The following SH3RF3 variants were observed in gnomAD, a reference collection of about 807,000 sequenced individuals.
SH3RF3 encodes SH3 domain containing ring finger 3.
Under a neutral mutation model 66.3 loss-of-function variants are expected in SH3RF3, and 29 were observed. The observed-to-expected ratio is 0.44, with a 90% CI of 0.33 to 0.60. The LOEUF is 0.60. Among genes scored for constraint, SH3RF3 ranks in the 20% least tolerant of loss-of-function variants. The pLI is 0.04. For missense variants in SH3RF3, 1,194 were observed against 1,190.9 expected, an observed-to-expected ratio of 1.00 and a Z score of -0.04; for synonymous variants, 583 against 532.0, an observed-to-expected ratio of 1.10 and a Z score of -1.32.
chr2:109,321,895 G>A (rs1483012894), intron 1 of SH3RF3, among the ~76,000 whole-genome samples: 1 of 152,230 alleles, frequency 6.6e-6, no homozygotes, highest in Non-Finnish European at 1.5e-5. Context: ...TCCCAGTGTG[G>A]TCAGGACTTC....
Position 109,319,364 on chromosome 2 carries a change from A to G in SH3RF3, c.574-28310A>G, listed in dbSNP as rs1681963732. ...TTGACTGCAAAGAGACAATGTCCTGAGCTGTGTCTGCCTGTGGGCTCAGTG... is the reference window on the plus strand; with the variant it reads ...TTGACTGCAAAGAGACAATGTCCTGGGCTGTGTCTGCCTGTGGGCTCAGTG... On this transcript the variant is annotated intron_variant, in intron 1 of 9. Transcript: ENST00000309415. 1.3e-5 allele frequency among the ~76,000 whole-genome samples: 2 copies of G among 152,218 alleles called. 1 individual carries two copies. The highest frequency in any genetic ancestry group is 1.3e-4 in the Admixed American group (2 of 15,288).
chr2:109,171,142 A>C (rs1677771290), intron 1 of SH3RF3, among the ~76,000 whole-genome samples: 1 of 152,144 alleles, frequency 6.6e-6, no homozygotes, highest in African/African-American at 2.4e-5. Flanking sequence ...TAGATCATTC[A>C]GGTTTTGTTT....
intron 1 of SH3RF3, among the ~76,000 whole-genome samples, chr2:109,164,649 A>G (rs10176294): frequency 1.3e-5 from 2 of 152,260 alleles, no homozygotes; most frequent in East Asian, 1.9e-4. Context: ...GGGAGGGGGA[A>G]AAAAGAGCAC....
chr2:109,254,968 G>T (rs770158730), intron 1 of SH3RF3, among the ~76,000 whole-genome samples: 3 of 152,156 alleles, frequency 2.0e-5, no homozygotes, highest in Non-Finnish European at 4.4e-5. Flanking sequence ...ACCTATGTGG[G>T]GCTCTGTGGT....
At chr2:109,464,353 A>G (rs1678282678) in intron 8 of SH3RF3, among the ~76,000 whole-genome samples, 1 of 152,262 alleles carries the variant, frequency 6.6e-6, no homozygotes, top group Non-Finnish European at 1.5e-5. Flanking sequence ...TAACATTCAC[A>G]TGCAATAAGC....
intron 1 of SH3RF3, 118 bp from the exon 2 acceptor site, chr2:109,347,556 T>C: frequency 7.3e-7 from 1 of 1,375,828 alleles, no homozygotes; most frequent in Non-Finnish European, 9.8e-7. Context: ...CGGGGCACTC[T>C]GTATGCACCC....
chr2:109,430,461 C>T (rs570529013), intron 5 of SH3RF3, among the ~76,000 whole-genome samples: 83 of 152,160 alleles, frequency 5.5e-4, no homozygotes, highest in African/African-American at 1.8e-3. Flanking sequence ...TCTCCTCTCC[C>T]CTTCTCTTTC....
intron 4 of SH3RF3, among the ~76,000 whole-genome samples, chr2:109,412,988 T>G (rs1380382842): frequency 2.0e-5 from 3 of 152,198 alleles, no homozygotes; most frequent in Non-Finnish European, 4.4e-5. Context: ...TGGGGCATTC[T>G]GTGTCCTTGT....
chr2:109,288,984 A>G (rs544953135), intron 1 of SH3RF3, among the ~76,000 whole-genome samples: 12 of 152,352 alleles, frequency 7.9e-5, no homozygotes, highest in Non-Finnish European at 1.0e-4. Flanking sequence ...TCAAGGACAT[A>G]AAAAATCATT....
chr2:109,503,057 G>C lies in SH3RF3; in HGVS notation c.*1386G>C, dbSNP rs1329997105. ...AGCTTTGATGCTGGGACCTCCCTGA[G>C]TGGGGCTGATGAATGTATATTCATT... On this transcript the variant is annotated 3_prime_UTR_variant, in exon 10 of 10. Coordinates refer to ENST00000309415, the MANE Select transcript of SH3RF3 (RefSeq NM_001099289.3). The C allele has an allele frequency of 6.6e-6, 1 of 152,144 alleles. No homozygotes were observed. Among genetic ancestry groups the C allele is most frequent in the Non-Finnish European group, 1.5e-5 (1 of 68,044 alleles). The allele number at this position is 152,144 out of a possible 1,614,324, so 9.4% of individuals were successfully genotyped here. A position where few individuals can be genotyped will look rare whatever the true frequency, so the allele number is the denominator to read the frequency against.
At chr2:109,132,282 G>A (rs1676717177) in intron 1 of SH3RF3, among the ~76,000 whole-genome samples, 1 of 152,106 alleles carries the variant, frequency 6.6e-6, no homozygotes, top group South Asian at 2.1e-4. Context: ...GTAAGTATTG[G>A]CATAGCTTGT....
chr2:109,325,850 G>C (rs1682142060), intron 1 of SH3RF3, among the ~76,000 whole-genome samples: 1 of 152,194 alleles, frequency 6.6e-6, no homozygotes, highest in African/African-American at 2.4e-5. Flanking sequence ...ACCTCCCTTT[G>C]TTCCAAATCA....
intron 1 of SH3RF3, among the ~76,000 whole-genome samples, chr2:109,237,728 C>T (rs922774212): frequency 6.6e-5 from 10 of 152,070 alleles, no homozygotes; most frequent in African/African-American, 9.7e-5. Flanking sequence ...TTTAAATGCC[C>T]GTGTCTTTGA....
chr2:109,490,609 A>G lies in SH3RF3; in HGVS notation c.2153A>G (p.Glu718Gly). The change falls in exon 9 of 10, where the codon GAG becomes GGG. Residue 718 changes from glutamate (E) to glycine (G), a missense_variant. Coordinates refer to ENST00000309415, the MANE Select transcript of SH3RF3 (RefSeq NM_001099289.3). ...KLDEKKSEKK[E>G]KKSGLLKLLA... is the part of the protein sequence containing the mutation. ...CCATCTTGTGTGTCTCCCCAGAAAG[A>G]GAAGAAGAGTGGGCTCCTGAAGCTT... is the stretch of plus-strand genomic sequence containing the variant. 2 of 1,438,662 alleles carry G rather than the reference A, an allele frequency of 1.4e-6. No homozygotes were observed. The highest frequency in any genetic ancestry group is 2.6e-5 in the Admixed American group (1 of 38,598). 89.1% of individuals were successfully genotyped at this position (1,438,662 alleles called of 1,614,324 possible).
chr2:109,147,442 C>T (rs142437400), intron 1 of SH3RF3, among the ~76,000 whole-genome samples: 1 of 152,298 alleles, frequency 6.6e-6, no homozygotes, highest in Non-Finnish European at 1.5e-5. Flanking sequence ...ACTAGAGAAA[C>T]ATCATATCTG....
chr2:109,130,899 G>A (rs962518454), intron 1 of SH3RF3, among the ~76,000 whole-genome samples: 22 of 152,118 alleles, frequency 1.4e-4, no homozygotes, highest in African/African-American at 4.8e-4. Flanking sequence ...ACACACCCTT[G>A]CCACCTTGTG....
chr2:109,167,734 G>A (rs1052219931), intron 1 of SH3RF3, among the ~76,000 whole-genome samples: 3 of 152,080 alleles, frequency 2.0e-5, no homozygotes, highest in Admixed American at 6.5e-5. Flanking sequence ...ACCACGCCTG[G>A]CTAATTTTTT....
chr2:109,495,477 C>CTTTTTTT lies in SH3RF3; in HGVS notation c.2480+4567_2480+4573dup, dbSNP rs569509984. Reference sequence around the variant, plus strand: ...ATTTCATCCTGAATATCTTTCATTCCTTTTTTTTTTTTTTTTTTTTTTTTT... The same window carrying CTTTTTTT: ...ATTTCATCCTGAATATCTTTCATTCCTTTTTTTTTTTTTTTTTTTTTTTTTTTTTTTT... On this transcript the variant is annotated intron_variant, in intron 9 of 9. Transcript: ENST00000309415. Among the ~76,000 whole-genome samples, 465 of 94,218 alleles carry CTTTTTTT rather than the reference C, an allele frequency of 4.9e-3. 46 individuals are homozygous for CTTTTTTT. Among genetic ancestry groups the CTTTTTTT allele is most frequent in the African/African-American group, 0.016 (356 of 21,878 alleles). 61.8% of individuals were successfully genotyped at this position (94,218 alleles called of 152,430 possible).
intron 3 of SH3RF3, among the ~76,000 whole-genome samples, chr2:109,374,763 C>A (rs187641192): frequency 6.6e-6 from 1 of 152,236 alleles, no homozygotes; most frequent in Non-Finnish European, 1.5e-5. Flanking sequence ...CTGCAGGCAC[C>A]TGGCAGGGTT....
Sources: gnomAD v4.1 joint callset for allele counts (sites outside exome capture counted in the v4.1 genomes callset) on GRCh38, gnomAD v4.1.1 for gene constraint, MANE v1.5 for transcripts, NCBI Gene and HGNC (gene_info 2026-07-23, HGNC 2026-07-21) for gene names.